ARHGAP10: variants seen among roughly 807,000 people sequenced by gnomAD.
The protein encoded by ARHGAP10 is rho GTPase-activating protein 10.
A neutral mutation model predicts 108.6 loss-of-function variants in ARHGAP10; 87 were observed. The ratio of observed to expected loss-of-function variants is 0.80; its 90% CI spans 0.67 to 0.96. The LOEUF is 0.96. ARHGAP10 is among the 40% of genes least tolerant of loss of function. The probability of loss-of-function intolerance (pLI) is 0.00; values close to 1 mark genes in which losing one functional copy is unlikely to be tolerated. For missense variants in ARHGAP10, 939 were observed against 954.5 expected (o/e 0.98, Z 0.21); for synonymous variants, 347 against 341.1 (o/e 1.02, Z -0.19).
rs558534055 is a variant in ARHGAP10, at chr4:147,922,853, C to T, written c.1228+9714C>T. Among the ~76,000 whole-genome samples, 195 of 152,306 alleles carry T rather than the reference C, an allele frequency of 1.3e-3. 2 individuals carry two copies. The highest frequency in any genetic ancestry group is 4.5e-3 in the African/African-American group (186 of 41,562). On this transcript the variant is annotated intron_variant, in intron 13 of 22. Transcript: ENST00000336498. ...TTAATCTTGAAATGTGCATGTGCCT[C>T]ATTTGGCAGTTATATTGCCTGGTAT...
intron 20 of ARHGAP10, among the ~76,000 whole-genome samples, chr4:148,048,664 C>T (rs1376993587): frequency 6.6e-6 from 1 of 152,142 alleles, no homozygotes; most frequent in Non-Finnish European, 1.5e-5. Context: ...TCTAATTATG[C>T]CTTTCAGTAA....
chr4:147,875,383 A>G (rs2126862385), intron 8 of ARHGAP10, among the ~76,000 whole-genome samples: 1 of 152,102 alleles, frequency 6.6e-6, no homozygotes, highest in East Asian at 1.9e-4. Flanking sequence ...TTCTTCAGAC[A>G]CCCCACTAGC....
intron 20 of ARHGAP10, among the ~76,000 whole-genome samples, chr4:148,047,856 T>G (rs960814118): frequency 6.6e-6 from 1 of 152,056 alleles, no homozygotes; most frequent in East Asian, 1.9e-4. Context: ...GAGTTTTGCT[T>G]TTGTTGCCCA....
At chr4:147,990,098 G>T (rs1560862067) in intron 18 of ARHGAP10, among the ~76,000 whole-genome samples, 2 of 152,212 alleles carry the variant, frequency 1.3e-5, no homozygotes, top group African/African-American at 4.8e-5. Flanking sequence ...GAGGAGGAAA[G>T]AAATTGATTG....
chr4:147,929,253 T>A, intron 13 of ARHGAP10, among the ~76,000 whole-genome samples: 1 of 152,176 alleles, frequency 6.6e-6, no homozygotes, highest in East Asian at 1.9e-4. Context: ...GCACTGTAAG[T>A]GTTACAAATA....
rs187296681 is a variant in ARHGAP10, at chr4:148,050,460, G to A, written c.2027+3409G>A. On this transcript the variant is annotated intron_variant, in intron 20 of 22. Transcript: ENST00000336498. ...GCCATCTCAGCTCACTGCAAGCTCC[G>A]CCTCCTGGGTTCACGCTATTCTCCT... Among the ~76,000 whole-genome samples the A allele has an allele frequency of 3.0e-4, 42 of 139,282 alleles. 1 individual carries two copies. The East Asian group carries it at 8.3e-3, about 27-fold the overall frequency. The allele number at this position is 139,282 out of a possible 152,430, so 91.4% of individuals were successfully genotyped here.
intron 1 of ARHGAP10, among the ~76,000 whole-genome samples, chr4:147,746,369 T>C (rs1560736230): frequency 6.6e-6 from 1 of 151,388 alleles, no homozygotes; most frequent in East Asian, 2.0e-4. Flanking sequence ...CCCAAAGTGC[T>C]GGAGTTACAG....
chr4:147,877,658 A>G (rs991276309), intron 8 of ARHGAP10, among the ~76,000 whole-genome samples: 3 of 152,060 alleles, frequency 2.0e-5, no homozygotes, highest in Non-Finnish European at 4.4e-5. Context: ...TTGGCATGTG[A>G]AGTTCCAGAT....
At chr4:148,058,655 C>T (rs952687139) in intron 20 of ARHGAP10, among the ~76,000 whole-genome samples, 1 of 152,132 alleles carries the variant, frequency 6.6e-6, no homozygotes, top group Non-Finnish European at 1.5e-5. Context: ...ATGCGTGGAG[C>T]GTAGAGTCTG....
At chr4:147,949,769 A>T (rs543262167) in intron 15 of ARHGAP10, among the ~76,000 whole-genome samples, 1 of 152,200 alleles carries the variant, frequency 6.6e-6, no homozygotes, top group South Asian at 2.1e-4. Flanking sequence ...AGGTAAAGGG[A>T]TTGACTGAGA....
intron 5 of ARHGAP10, among the ~76,000 whole-genome samples, chr4:147,860,546 A>G (rs185863100): frequency 4.0e-4 from 61 of 152,278 alleles, no homozygotes; most frequent in African/African-American, 1.4e-3. Context: ...CTATACCTCT[A>G]TGTTTATTGG....
intron 3 of ARHGAP10, among the ~76,000 whole-genome samples, chr4:147,830,342 C>T (rs1206854325): frequency 6.6e-6 from 1 of 152,060 alleles, no homozygotes; most frequent in East Asian, 1.9e-4. Flanking sequence ...GCTCTCTCAG[C>T]CCTGGCCTGT....
intron 18 of ARHGAP10, among the ~76,000 whole-genome samples, chr4:148,016,553 GTTC>G (rs1387066832): frequency 6.6e-6 from 1 of 152,040 alleles, no homozygotes; most frequent in Non-Finnish European, 1.5e-5. Flanking sequence ...TTTTTTCTCT[GTTC>G]TTATAACACA....
At chr4:148,059,751 A>T (rs1198190345) in intron 20 of ARHGAP10, among the ~76,000 whole-genome samples, 1 of 152,124 alleles carries the variant, frequency 6.6e-6, no homozygotes, top group Non-Finnish European at 1.5e-5. Flanking sequence ...TTAGCCTACC[A>T]TCGTTTCCGG....
intron 13 of ARHGAP10, among the ~76,000 whole-genome samples, chr4:147,924,693 A>T (rs1737388151): frequency 6.6e-6 from 1 of 152,190 alleles, no homozygotes; most frequent in South Asian, 2.1e-4. Flanking sequence ...GAAGAACATT[A>T]GCCCAAAAGA....
At chr4:147,917,884 G>A (rs2126928721) in intron 13 of ARHGAP10, among the ~76,000 whole-genome samples, 1 of 152,236 alleles carries the variant, frequency 6.6e-6, no homozygotes. Context: ...TCAAAATGAT[G>A]AATAAGATGA....
At chr4:147,936,344 T>G (rs7694157) in intron 13 of ARHGAP10, among the ~76,000 whole-genome samples, 3 of 117,782 alleles carry the variant, frequency 2.5e-5, no homozygotes, top group Non-Finnish European at 5.1e-5. Context: ...TTTTTTGAGA[T>G]GGAGTCTTGC....
At chr4:147,962,819 A>G (rs565779589) in intron 16 of ARHGAP10, among the ~76,000 whole-genome samples, 38 of 152,140 alleles carry the variant, frequency 2.5e-4, no homozygotes, top group African/African-American at 8.9e-4. Context: ...GCACACCACC[A>G]CACTGGCTAA....
chr4:147,845,029 T>C (rs1435750684), intron 3 of ARHGAP10, among the ~76,000 whole-genome samples: 1 of 152,216 alleles, frequency 6.6e-6, no homozygotes, highest in East Asian at 1.9e-4. Context: ...CAGGCTCACT[T>C]CATTGCTCCT....
Sources: allele counts gnomAD v4.1 joint callset (sites outside exome capture counted in the v4.1 genomes callset), GRCh38; gene constraint gnomAD v4.1.1; transcripts MANE v1.5; gene names NCBI Gene and HGNC (gene_info 2026-07-23, HGNC 2026-07-21).